Variants in RP1L1 observed in about 807,000 individuals in gnomAD.
RP1L1 encodes retinitis pigmentosa 1-like 1 protein.
RP1L1 carries 27 observed loss-of-function variants against 15.7 expected under a neutral mutation model. That is an observed-to-expected ratio of 1.72 (90% CI 1.27 to 2.38). The LOEUF is 2.38. Among genes scored for constraint, RP1L1 ranks in the 30% most tolerant of loss-of-function variants. RP1L1 has a pLI of 0.00. For missense variants in RP1L1, 4,798 were observed against 3,075.9 expected, an observed-to-expected ratio of 1.56 and a Z score of -13.24; for synonymous variants, 1,813 against 1,276.7, an observed-to-expected ratio of 1.42 and a Z score of -8.96.
chr8:10,627,476 G>C (rs967427449), intron 1 of RP1L1, among the ~76,000 whole-genome samples: 3 of 152,022 alleles, frequency 2.0e-5, no homozygotes, highest in African/African-American at 4.8e-5. Context: ...CATCAGGGCT[G>C]GGAGGAGGTA....
At chr8:10,628,386 C>T (rs1212829811) in intron 1 of RP1L1, among the ~76,000 whole-genome samples, 1 of 152,090 alleles carries the variant, frequency 6.6e-6, no homozygotes. Flanking sequence ...CACCAATGCC[C>T]CTCCTGAAAA....
chr8:10,611,886 C>T lies in RP1L1; in HGVS notation c.2212G>A (p.Ala738Thr). 6.2e-7 allele frequency: 1 copy of T among 1,613,866 alleles called. No individual in the cohort carries two copies. Among genetic ancestry groups the T allele is most frequent in the South Asian group, 1.1e-5 (1 of 91,084 alleles). ...GAGTGGACTGCAGGGGTGACAGTGG[C>T]ACTGCTGGTTCCCAGAAGGTCCTGG... is the stretch of plus-strand genomic sequence containing the variant. ...PSQDLLGTSS[A>T]TVTPAVHSDF... Residue 738 changes from alanine (A) to threonine (T), a missense_variant, in exon 4 of 4, where the codon GCC becomes ACC. Ala to Thr is a moderately conservative substitution (Grantham distance 58, BLOSUM62 0). Transcript: ENST00000382483.
Position 10,611,166 on chromosome 8 carries a change from C to A in RP1L1, c.2932G>T (p.Glu978Ter), listed in dbSNP as rs747447270. The change falls in exon 4 of 4, where the codon GAG becomes TAG. Residue 978 changes from glutamate to a stop codon, truncating the protein, a stop_gained. Transcript: ENST00000382483. LOFTEE classifies it low-confidence loss of function (END_TRUNC). ...PILMTYELADETTGAAGGGLR... is the reference protein window; with the variant it reads ...PILMTYELAD ...CCACCCCCAGCTGCACCTGTGGTCT[C>A]GTCCGCCAACTCATATGTCATGAGT... The A allele has an allele frequency of 5.6e-6, 9 of 1,612,512 alleles. 1 individual carries two copies. The African/African-American group carries it at 1.2e-4, about 22-fold the overall frequency.
chr8:10,629,932 C>G (rs1476911265), intron 1 of RP1L1, among the ~76,000 whole-genome samples: 1 of 152,196 alleles, frequency 6.6e-6, no homozygotes, highest in Non-Finnish European at 1.5e-5. Context: ...CCGCATGGCC[C>G]TGTCCACACC....
At position 10,623,261 on chromosome 8, in the gene RP1L1, G is replaced by C. The variant is rs1416246638; in HGVS notation, c.-19-41C>G. The C allele has an allele frequency of 4.1e-6, 6 of 1,455,762 alleles. No individual in the cohort carries two copies. In the East Asian group the frequency reaches 1.1e-4, roughly 28 times the overall value. The allele number at this position is 1,455,762 out of a possible 1,614,324, so 90.2% of individuals were successfully genotyped here. A position where few individuals can be genotyped will look rare whatever the true frequency, so the allele number is the denominator to read the frequency against. On this transcript the variant is annotated intron_variant, in intron 1 of 3. Coordinates refer to ENST00000382483, the MANE Select transcript of RP1L1 (RefSeq NM_178857.6). ...GGAAGAGGGGTCAGAGAGCAGCTTG[G>C]GGGATTGGCATTTCCTGTCTCTTCC...
intron 1 of RP1L1, among the ~76,000 whole-genome samples, chr8:10,652,040 T>C (rs1017461402): frequency 2.0e-5 from 3 of 152,210 alleles, no homozygotes; most frequent in African/African-American, 7.2e-5. Context: ...AGTACCATGC[T>C]GTACAGGTTT....
intron 2 of RP1L1, 128 bp from the exon 3 acceptor site, chr8:10,616,715 T>G (rs1427803848): frequency 8.9e-7 from 1 of 1,120,692 alleles, no homozygotes; most frequent in Admixed American, 2.8e-5. Flanking sequence ...CCCAGACTCC[T>G]GGTCCAAGGA....
intron 1 of RP1L1, among the ~76,000 whole-genome samples, chr8:10,648,824 G>T (rs893686890): frequency 6.6e-6 from 1 of 152,224 alleles, no homozygotes. Flanking sequence ...CAGACATAAT[G>T]TTCCCCGTTC....
At chr8:10,647,052 A>G (rs1447103550) in intron 1 of RP1L1, among the ~76,000 whole-genome samples, 2 of 152,214 alleles carry the variant, frequency 1.3e-5, no homozygotes, top group Non-Finnish European at 2.9e-5. Flanking sequence ...AAGGCCACGC[A>G]TCCTCATCCG....
At chr8:10,638,543 A>G (rs1011053298) in intron 1 of RP1L1, among the ~76,000 whole-genome samples, 32 of 152,160 alleles carry the variant, frequency 2.1e-4, no homozygotes, top group African/African-American at 7.5e-4. Flanking sequence ...CGGCAGTTCA[A>G]ATGTAGCCTG....
chr8:10,625,108 G>C (rs73201165), intron 1 of RP1L1, among the ~76,000 whole-genome samples: 1 of 152,234 alleles, frequency 6.6e-6, no homozygotes, highest in East Asian at 1.9e-4. Flanking sequence ...ACGCAAAATC[G>C]CGTATCAGTC....
chr8:10,624,474 G>C (rs1212779283), intron 1 of RP1L1, among the ~76,000 whole-genome samples: 2 of 152,238 alleles, frequency 1.3e-5, no homozygotes, highest in Non-Finnish European at 2.9e-5. Context: ...TCCTGGAGGA[G>C]GTGATGCAGA....
intron 1 of RP1L1, among the ~76,000 whole-genome samples, 156 bp downstream of exon 1, chr8:10,654,742 C>T (rs1563144446): frequency 6.6e-6 from 1 of 152,370 alleles, no homozygotes; most frequent in South Asian, 2.1e-4. Flanking sequence ...CAGAAGAGAA[C>T]CGATCCTGCG....
intron 1 of RP1L1, among the ~76,000 whole-genome samples, chr8:10,624,862 C>A (rs9329228): frequency 0.59 from 89,869 of 152,000 alleles, 27,115 homozygotes; most frequent in African/African-American, 0.65. Context: ...TCTGTCTTGT[C>A]GAACAGGAAG....
chr8:10,653,081 A>G (rs1046765724), intron 1 of RP1L1, among the ~76,000 whole-genome samples: 1 of 152,184 alleles, frequency 6.6e-6, no homozygotes, highest in Non-Finnish European at 1.5e-5. Flanking sequence ...CAAGCCACAG[A>G]GTGGTTGCTC....
rs1387068805 is a variant in RP1L1, at chr8:10,611,881, A to G, written c.2217T>C (p.Thr739=). The change falls in exon 4 of 4, where the codon ACT becomes ACC. Residue 739 remains threonine, a synonymous_variant. Coordinates refer to ENST00000382483, the MANE Select transcript of RP1L1 (RefSeq NM_178857.6). ...AATCCGAGTGGACTGCAGGGGTGAC[A>G]GTGGCACTGCTGGTTCCCAGAAGGT... ...SQDLLGTSSA[T]VTPAVHSDFV... 4 of 1,613,756 alleles carry G rather than the reference A, an allele frequency of 2.5e-6. No individual in the cohort carries two copies. The highest frequency in any genetic ancestry group is 1.3e-5 in the African/African-American group (1 of 74,938).
At chr8:10,617,751 T>C (rs560304076) in intron 2 of RP1L1, among the ~76,000 whole-genome samples, 1 of 152,048 alleles carries the variant, frequency 6.6e-6, no homozygotes, top group African/African-American at 2.4e-5. Flanking sequence ...AGAGACAGGG[T>C]TTCACCGTGT....
chr8:10,634,564 AC>A (rs1309605817), intron 1 of RP1L1, among the ~76,000 whole-genome samples: 1 of 152,048 alleles, frequency 6.6e-6, no homozygotes, highest in Non-Finnish European at 1.5e-5. Flanking sequence ...TCCGGGGACC[AC>A]CCCCAGCGTT....
At chr8:10,641,336 A>G (rs969249998) in intron 1 of RP1L1, among the ~76,000 whole-genome samples, 1 of 152,216 alleles carries the variant, frequency 6.6e-6, no homozygotes, top group Non-Finnish European at 1.5e-5. Context: ...CATCTACAAG[A>G]CAGCGACCCC....
Sources: allele counts gnomAD v4.1 joint callset (sites outside exome capture counted in the v4.1 genomes callset), GRCh38; gene constraint gnomAD v4.1.1; transcripts MANE v1.5; gene names NCBI Gene and HGNC (gene_info 2026-07-23, HGNC 2026-07-21).